The following DVL3 variants were observed in gnomAD, a reference collection of about 807,000 sequenced individuals.
DVL3 encodes the protein segment polarity protein dishevelled homolog DVL-3.
Under a neutral mutation model 67.4 loss-of-function variants are expected in DVL3, and 27 were observed. The ratio of observed to expected loss-of-function variants is 0.40; its 90% CI spans 0.30 to 0.55. DVL3 has a LOEUF of 0.55. Ranked by LOEUF, DVL3 falls within the 20% of genes least tolerant of loss-of-function variation. DVL3 has a pLI of 0.46. For missense variants in DVL3, 819 were observed against 1,021.5 expected, an observed-to-expected ratio of 0.80 and a Z score of 2.70; for synonymous variants, 369 against 396.8, an observed-to-expected ratio of 0.93 and a Z score of 0.83.
chr3:184,159,896 C>CATTTT (rs1344872927), intron 1 of DVL3, among the ~76,000 whole-genome samples: 1 of 151,848 alleles, frequency 6.6e-6, no homozygotes, highest in African/African-American at 2.4e-5. Context: ...TCAGCCAAAG[C>CATTTT]ATTTTATTTT....
chr3:184,163,658 G>C lies in DVL3; in HGVS notation c.163G>C (p.Val55Leu). Residue 55 changes from valine (V) to leucine (L), a missense_variant and splice_region_variant, in exon 2 of 15, where the codon GTG becomes CTG. By Grantham distance (32) the Val-to-Leu change is conservative (BLOSUM62 1). This residue lies in a region of DVL3 where 385 missense variants were observed against 486.8 expected (regional missense o/e 0.79). Transcript: ENST00000313143. The surrounding 1 kb of genome is among the most constrained non-coding windows in gnomAD (Gnocchi z 4.5). ...TGTGACATCCCCCTTTCTCTGCAGA[G>C]TGGTGAAGGAGGAGATCTCGGATGA... The part of the protein sequence containing the change: ...FFKSMDDDFG[V>L]VKEEISDDNA... 6.2e-7 allele frequency: 1 copy of C among 1,614,004 alleles called. No homozygotes were observed. Among genetic ancestry groups the C allele is most frequent in the Non-Finnish European group, 8.5e-7 (1 of 1,179,956 alleles).
chr3:184,160,704 T>TAGTGTGGAGC (rs1324310945), intron 1 of DVL3, among the ~76,000 whole-genome samples: 2 of 152,068 alleles, frequency 1.3e-5, no homozygotes, highest in African/African-American at 4.8e-5. Context: ...AGGAAACGTG[T>TAGTGTGGAGC]AGTGTGGAGC....
Position 184,167,922 on chromosome 3 carries a change from A to T in DVL3, c.1355A>T (p.Tyr452Phe), listed in dbSNP as rs749585055. 1 of 1,614,258 alleles carries T rather than the reference A, an allele frequency of 6.2e-7. No individual in the cohort carries two copies. The highest frequency in any genetic ancestry group is 8.5e-7 in the Non-Finnish European group (1 of 1,180,048). ...FIGSDVVDWL[Y>F]HNVEGFTDRR... ...GGCTCAGATGTGGTGGACTGGCTGT[A>T]CCACAATGTGGAAGGCTTCACGGAC... The change falls in exon 13 of 15, where the codon TAC becomes TTC. Residue 452 changes from tyrosine (Y) to phenylalanine (F), a missense_variant. By Grantham distance (22) the Tyr-to-Phe change is conservative (BLOSUM62 3). Coordinates refer to ENST00000313143, the MANE Select transcript of DVL3 (RefSeq NM_004423.4). This position sits in a 1 kb window ranked among gnomAD's most constrained non-coding sequence, Gnocchi z 4.6.
intron 1 of DVL3, among the ~76,000 whole-genome samples, chr3:184,158,658 G>A (rs1714278215): frequency 6.6e-6 from 1 of 152,100 alleles, no homozygotes; most frequent in African/African-American, 2.4e-5. Flanking sequence ...TGTCTCTCCA[G>A]TTTCTCCACT....
chr3:184,158,334 GAAAAA>G (rs58854843), intron 1 of DVL3, among the ~76,000 whole-genome samples: 1 of 118,080 alleles, frequency 8.5e-6, no homozygotes, highest in African/African-American at 3.0e-5. Context: ...CCGTGTTTCA[GAAAAA>G]AAAAAAAAAG....
chr3:184,169,887 G>GT, intron 13 of DVL3, 119 bp from the exon 14 acceptor site: 1 of 929,220 alleles, frequency 1.1e-6, no homozygotes, highest in Non-Finnish European at 1.6e-6. Context: ...TCTCTGGGCT[G>GT]TGCCTCCTCT....
rs1714813218 is a variant in DVL3 at position 184,170,942 on chromosome 3, C to T, written c.*187C>T. 3 of 1,534,758 alleles carry T rather than the reference C, an allele frequency of 2.0e-6. No homozygotes were observed. Among genetic ancestry groups the T allele is most frequent in the Non-Finnish European group, 2.6e-6 (3 of 1,143,398 alleles). On this transcript the variant is annotated 3_prime_UTR_variant, in exon 15 of 15. Coordinates refer to ENST00000313143, the MANE Select transcript of DVL3 (RefSeq NM_004423.4). The surrounding 1 kb of genome is among the most constrained non-coding windows in gnomAD (Gnocchi z 6.5). ...CACCTACCGATTGGCTCTGCAGCCC[C>T]CTAACCTGCCTCTGGCCCCAGTTCG...
At position 184,171,324 on chromosome 3, in the gene DVL3, A is replaced by C; in HGVS notation, c.*569A>C. On this transcript the variant is annotated 3_prime_UTR_variant, in exon 15 of 15. Transcript: ENST00000313143. The stretch of plus-strand genomic sequence containing the variant: ...GCAACCTAAAGCTGTAGTCGCCTCC[A>C]ATAGCCATCCATGCCATCCCTGCCT... The C allele has an allele frequency of 9.8e-7, 1 of 1,017,484 alleles. No individual in the cohort carries two copies. Among genetic ancestry groups the C allele is most frequent in the Non-Finnish European group, 1.2e-6 (1 of 850,738 alleles). The allele number at this position is 1,017,484 out of a possible 1,614,324, so 63.0% of individuals were successfully genotyped here. A position where few individuals can be genotyped will look rare whatever the true frequency, so the allele number is the denominator to read the frequency against.
rs2109024036 is a variant in DVL3, at chr3:184,170,526, C to T, written c.1922C>T (p.Ala641Val). 1 of 1,610,130 alleles carries T rather than the reference C, an allele frequency of 6.2e-7. No homozygotes were observed. Among genetic ancestry groups the T allele is most frequent in the Non-Finnish European group, 8.5e-7 (1 of 1,178,184 alleles). ...EHSHRSHHSL[A>V]SSLRSHHTHP... ...AGCCACCGCAGCCACCATTCCCTGG[C>T]CAGCAGCCTTCGCAGCCACCACACA... Residue 641 changes from alanine to valine, a missense_variant, in exon 15 of 15, where the codon GCC (alanine) becomes GTC (valine). Coordinates refer to ENST00000313143, the MANE Select transcript of DVL3 (RefSeq NM_004423.4). The surrounding 1 kb of genome is among the most constrained non-coding windows in gnomAD (Gnocchi z 6.5).
exon 15 of DVL3, chr3:184,173,600 CTATTAT>C (rs200206587): frequency 2.0e-5 from 3 of 151,930 alleles, no homozygotes; most frequent in African/African-American, 4.8e-5. Flanking sequence ...TAAATGGTAG[CTATTAT>C]TATTATTATT....
At position 184,159,912 on chromosome 3, in the gene DVL3, AT is replaced by A. The variant is rs200138024; in HGVS notation, c.162-3740del. Among the ~76,000 whole-genome samples the A allele has an allele frequency of 7.0e-3, 1,055 of 151,622 alleles. 13 individuals are homozygous for A. The highest frequency in any genetic ancestry group is 0.024 in the African/African-American group (977 of 41,380). On this transcript the variant is annotated intron_variant, in intron 1 of 14. Coordinates refer to ENST00000313143, the MANE Select transcript of DVL3 (RefSeq NM_004423.4). ...CAGCCAAAGCATTTTATTTTATTTT[AT>A]TTTTATTTTTTTATTTTTTATTTTT...
Position 184,155,541 on chromosome 3 carries a change from C to A in DVL3, c.-95C>A, listed in dbSNP as rs1487630089. 2.4e-6 allele frequency: 2 copies of A among 825,970 alleles called. No individual in the cohort carries two copies. Among genetic ancestry groups the A allele is most frequent in the South Asian group, 5.3e-5 (1 of 18,782 alleles). 51.2% of individuals were successfully genotyped at this position (825,970 alleles called of 1,614,324 possible). A position where few individuals can be genotyped will look rare whatever the true frequency, so the allele number is the denominator to read the frequency against. On this transcript the variant is annotated 5_prime_UTR_variant, in exon 1 of 15. Coordinates refer to ENST00000313143, the MANE Select transcript of DVL3 (RefSeq NM_004423.4). This position sits in a 1 kb window ranked among gnomAD's most constrained non-coding sequence, Gnocchi z 5.4. ...CCAGCAGCCGCCGAGCTGGGTTGAG[C>A]CGCTGGGCCGCGCCGCGCGCCGCCG...
Position 184,155,822 on chromosome 3 carries a change from C to T in DVL3, c.161+26C>T. ...GTGAGGATGGCCCCCGCCCCGCCTC[C>T]GGGAGCCCCGGCCGCTCTGGCTTCT... On this transcript the variant is annotated intron_variant, in intron 1 of 14. Transcript: ENST00000313143. The surrounding 1 kb of genome is among the most constrained non-coding windows in gnomAD (Gnocchi z 5.4). 6.3e-7 allele frequency: 1 copy of T among 1,584,658 alleles called. No homozygotes were observed. The highest frequency in any genetic ancestry group is 8.6e-7 in the Non-Finnish European group (1 of 1,165,976).
chr3:184,169,854 G>C (rs1293442701), intron 13 of DVL3, 152 bp from the exon 14 acceptor site: 5 of 661,678 alleles, frequency 7.6e-6, no homozygotes, highest in Non-Finnish European at 1.2e-5. Context: ...TGGTGGCAAA[G>C]GGGGTCTGCA....
At position 184,165,003 on chromosome 3, in the gene DVL3, G is replaced by T. The variant is rs752163954; in HGVS notation, c.599+72G>T. ...GAGCCCTAAACCCTGAGGATGCGGG[G>T]CCCCTGGGAGGCTTATGGGCTTTGT... On this transcript the variant is annotated intron_variant, in intron 5 of 14. Coordinates refer to ENST00000313143, the MANE Select transcript of DVL3 (RefSeq NM_004423.4). The surrounding 1 kb of genome is among the most constrained non-coding windows in gnomAD (Gnocchi z 4.1). 6.2e-7 allele frequency: 1 copy of T among 1,609,690 alleles called. No individual in the cohort carries two copies. Among genetic ancestry groups the T allele is most frequent in the Admixed American group, 1.7e-5 (1 of 59,510 alleles).
In DVL3 at chr3:184,155,728, G is replaced by T; in HGVS notation, c.93G>T (p.Ala31=). The T allele has an allele frequency of 1.2e-6, 2 of 1,613,196 alleles. No homozygotes were observed. The highest frequency in any genetic ancestry group is 1.7e-6 in the Non-Finnish European group (2 of 1,179,744). The part of the protein sequence containing the change: ...LPLPAERVTL[A]DFKGVLQRPS... ...TGCCCGCCGAGCGCGTCACCTTGGC[G>T]GACTTTAAGGGCGTTTTGCAGCGAC... is the stretch of plus-strand genomic sequence containing the variant. The change falls in exon 1 of 15, where the codon GCG becomes GCT. Residue 31 remains alanine (A), a synonymous_variant. Coordinates refer to ENST00000313143, the MANE Select transcript of DVL3 (RefSeq NM_004423.4). The surrounding 1 kb of genome is among the most constrained non-coding windows in gnomAD (Gnocchi z 5.4).
At position 184,169,603 on chromosome 3, in the gene DVL3, G is replaced by A. The variant is rs58303149; in HGVS notation, c.1499-403G>A. On this transcript the variant is annotated intron_variant, in intron 13 of 14. Coordinates refer to ENST00000313143, the MANE Select transcript of DVL3 (RefSeq NM_004423.4). ...GTCAGGAGGCTGAGGCAGGAGAATCGCTTAAACCAGGGAGGAAGAGGTTGC... is the reference window on the plus strand; with the variant it reads ...GTCAGGAGGCTGAGGCAGGAGAATCACTTAAACCAGGGAGGAAGAGGTTGC... Among the ~76,000 whole-genome samples, 491 of 152,260 alleles carry A rather than the reference G, an allele frequency of 3.2e-3. 2 individuals carry two copies. The highest frequency in any genetic ancestry group is 0.011 in the African/African-American group (468 of 41,542).
In DVL3 at chr3:184,171,395, G is replaced by A; in HGVS notation, c.*640G>A. ...GAGGGCCCCCTCAGTTGCCTGAGCA[G>A]CTGGTGGCTTCCAGGGAGCATCTCT... On this transcript the variant is annotated 3_prime_UTR_variant, in exon 15 of 15. Coordinates refer to ENST00000313143, the MANE Select transcript of DVL3 (RefSeq NM_004423.4). 2 of 997,718 alleles carry A rather than the reference G, an allele frequency of 2.0e-6. No homozygotes were observed. Among genetic ancestry groups the A allele is most frequent in the Non-Finnish European group, 2.4e-6 (2 of 838,466 alleles). The allele number at this position is 997,718 out of a possible 1,614,324, so 61.8% of individuals were successfully genotyped here.
chr3:184,168,245 C>T (rs995312350), intron 13 of DVL3, among the ~76,000 whole-genome samples, 180 bp downstream of exon 13: 3 of 152,220 alleles, frequency 2.0e-5, no homozygotes, highest in Non-Finnish European at 2.9e-5. Context: ...ACCTGGCCCA[C>T]ATCTCCCTCT....
Sources: allele counts gnomAD v4.1 joint callset (sites outside exome capture counted in the v4.1 genomes callset), GRCh38; gene constraint gnomAD v4.1.1; regional missense constraint gnomAD v4.1.1; non-coding constraint Gnocchi (gnomAD v3.1); transcripts MANE v1.5; gene names NCBI Gene and HGNC (gene_info 2026-07-23, HGNC 2026-07-21).